The following ASIC2 variants were observed in gnomAD, a reference collection of about 807,000 sequenced individuals.
ASIC2 encodes the protein acid sensing ion channel subunit 2.
In ASIC2, 25 loss-of-function variants were observed where a neutral mutation model predicts 57.3. The observed-to-expected ratio is 0.44, with a 90% CI of 0.32 to 0.61. The LOEUF (loss-of-function observed/expected upper bound fraction) is 0.61, where lower values mean the gene tolerates loss of function less well. Ranked by LOEUF, ASIC2 falls within the 20% of genes least tolerant of loss-of-function variation. ASIC2 has a pLI of 0.06. For missense variants in ASIC2, 641 were observed against 738.1 expected, an observed-to-expected ratio of 0.87 and a Z score of 1.52; for synonymous variants, 319 against 307.5, an observed-to-expected ratio of 1.04 and a Z score of -0.39.
chr17:34,047,721 G>A (rs1908392903), intron 1 of ASIC2, among the ~76,000 whole-genome samples: 1 of 152,048 alleles, frequency 6.6e-6, no homozygotes, highest in South Asian at 2.1e-4. Flanking sequence ...TGCCAGTTCT[G>A]AGCCTGTGTC....
chr17:33,562,167 A>G (rs1032532779), intron 1 of ASIC2, among the ~76,000 whole-genome samples: 11 of 152,084 alleles, frequency 7.2e-5, no homozygotes, highest in African/African-American at 2.2e-4. Context: ...GTACGGGCCA[A>G]ATGCCCCTTT....
chr17:34,040,313 C>G (rs183502064), intron 1 of ASIC2, among the ~76,000 whole-genome samples: 1 of 147,552 alleles, frequency 6.8e-6, no homozygotes. Context: ...TAATCCGGAT[C>G]GGTTCGGTCC....
intron 1 of ASIC2, among the ~76,000 whole-genome samples, chr17:33,464,482 C>CTCTTTCTTTCTTTCTT (rs1211673507): frequency 2.7e-4 from 17 of 63,626 alleles, no homozygotes; most frequent in Admixed American, 2.1e-3. Flanking sequence ...TTTCTTTTCT[C>CTCTTTCTTTCTTTCTT]TCTTTCTTTC....
chr17:33,275,262 T>C (rs1657912655), intron 1 of ASIC2, among the ~76,000 whole-genome samples: 2 of 152,172 alleles, frequency 1.3e-5, no homozygotes, highest in South Asian at 4.1e-4. Context: ...CCAGAAGTCA[T>C]ATACCACCTC....
chr17:34,076,768 T>C (rs16969133), intron 1 of ASIC2, among the ~76,000 whole-genome samples: 27,528 of 152,104 alleles, frequency 0.18, 3,185 homozygotes, highest in African/African-American at 0.33. Context: ...TCCATGAGGC[T>C]CAGAGCAAAG....
intron 1 of ASIC2, among the ~76,000 whole-genome samples, chr17:33,896,513 A>G (rs1915101752): frequency 6.6e-6 from 1 of 152,202 alleles, no homozygotes; most frequent in Non-Finnish European, 1.5e-5. Flanking sequence ...TGGACAAAGA[A>G]ATGCTGATGG....
chr17:33,387,641 T>C (rs1909734292), intron 1 of ASIC2, among the ~76,000 whole-genome samples: 1 of 152,186 alleles, frequency 6.6e-6, no homozygotes, highest in South Asian at 2.1e-4. Context: ...TCACCTAATA[T>C]GGCAAAGACG....
At chr17:33,856,443 A>G (rs201438762) in intron 1 of ASIC2, among the ~76,000 whole-genome samples, 8 of 28,020 alleles carry the variant, frequency 2.9e-4, no homozygotes, top group African/African-American at 5.3e-4. Flanking sequence ...TGAGGGTGGT[A>G]GTAGTAGTAA....
intron 1 of ASIC2, among the ~76,000 whole-genome samples, chr17:34,094,286 T>G (rs1323736778): frequency 6.6e-6 from 1 of 152,156 alleles, no homozygotes; most frequent in Non-Finnish European, 1.5e-5. Flanking sequence ...TCATTTAGCC[T>G]TACGTGATAA....
chr17:33,999,428 T>G (rs923027783), intron 1 of ASIC2, among the ~76,000 whole-genome samples: 2 of 152,186 alleles, frequency 1.3e-5, no homozygotes, highest in Non-Finnish European at 2.9e-5. Context: ...GTTTTGTAGT[T>G]TCTTTGTTCC....
At chr17:33,447,661 T>C (rs1017468625) in intron 1 of ASIC2, among the ~76,000 whole-genome samples, 1 of 152,092 alleles carries the variant, frequency 6.6e-6, no homozygotes, top group African/African-American at 2.4e-5. Flanking sequence ...AGAAACTGAT[T>C]CTGGATAGCT....
intron 1 of ASIC2, among the ~76,000 whole-genome samples, chr17:33,124,346 A>G (rs750060404): frequency 2.0e-5 from 3 of 152,228 alleles, no homozygotes; most frequent in Non-Finnish European, 4.4e-5. Context: ...GACATGTGAA[A>G]TTAGGGCCTG....
rs139836704 is a variant in ASIC2 at position 34,129,083 on chromosome 17, G to C, written c.555+26895C>G. Among the ~76,000 whole-genome samples the C allele has an allele frequency of 7.9e-5, 12 of 152,226 alleles. No individual in the cohort carries two copies. In the East Asian group the frequency reaches 2.3e-3, roughly 29 times the overall value. On this transcript the variant is annotated intron_variant, in intron 1 of 9. Coordinates refer to the ASIC2 transcript ENST00000359872. ...CCTGACCCCCTACCCTCGAGAGCAC[G>C]GGCTCATGAACTATGAGAATAAAAA...
chr17:33,947,333 G>C (rs150780869), intron 1 of ASIC2, among the ~76,000 whole-genome samples: 1 of 152,152 alleles, frequency 6.6e-6, no homozygotes, highest in South Asian at 2.1e-4. Flanking sequence ...CTCCATTGGC[G>C]TTTCGCTCTA....
chr17:33,655,968 G>C (rs28417324), intron 1 of ASIC2, among the ~76,000 whole-genome samples: 3,736 of 152,124 alleles, frequency 0.025, 114 homozygotes, highest in East Asian at 0.081. Flanking sequence ...TGGGGGGATA[G>C]TATTATTATA....
intron 1 of ASIC2, among the ~76,000 whole-genome samples, chr17:33,671,542 G>A (rs1194669351): frequency 6.6e-6 from 1 of 152,158 alleles, no homozygotes; most frequent in Non-Finnish European, 1.5e-5. Flanking sequence ...CAAGGAAGGA[G>A]GGAGAAGTGG....
At chr17:33,264,914 GC>G (rs1443968155) in intron 1 of ASIC2, among the ~76,000 whole-genome samples, 1 of 152,222 alleles carries the variant, frequency 6.6e-6, no homozygotes. Context: ...AATATTTCTG[GC>G]CCAGCTGGAT....
intron 1 of ASIC2, among the ~76,000 whole-genome samples, chr17:33,957,401 G>C (rs1904770344): frequency 6.6e-6 from 1 of 152,136 alleles, no homozygotes; most frequent in Admixed American, 6.5e-5. Flanking sequence ...ACTGTTATAA[G>C]GACATATCTG....
At chr17:33,746,275 T>G (rs1456735914) in intron 1 of ASIC2, among the ~76,000 whole-genome samples, 1 of 150,794 alleles carries the variant, frequency 6.6e-6, no homozygotes, top group African/African-American at 2.4e-5. Context: ...TATACATACG[T>G]GTACATGTAT....
Sources: allele counts gnomAD v4.1 joint callset (sites outside exome capture counted in the v4.1 genomes callset), GRCh38; gene constraint gnomAD v4.1.1; transcripts MANE v1.5; gene names NCBI Gene and HGNC (gene_info 2026-07-23, HGNC 2026-07-21).